The following ROBO1 variants were observed in gnomAD, a reference collection of about 807,000 sequenced individuals.
ROBO1 encodes roundabout guidance receptor 1.
A neutral mutation model predicts 195.9 loss-of-function variants in ROBO1; 149 were observed. The observed-to-expected ratio is 0.76, with a 90% CI of 0.67 to 0.87. The LOEUF is 0.87. Ranked by LOEUF, ROBO1 falls within the 40% of genes least tolerant of loss-of-function variation. ROBO1 has a pLI of 0.00. For missense variants in ROBO1, 1,933 were observed against 2,068.3 expected, an observed-to-expected ratio of 0.93 and a Z score of 1.27; for synonymous variants, 816 against 733.2, an observed-to-expected ratio of 1.11 and a Z score of -1.82.
intron 2 of ROBO1, among the ~76,000 whole-genome samples, chr3:79,557,743 A>AATATATATAT (rs1304293113): frequency 7.6e-6 from 1 of 130,834 alleles, no homozygotes; most frequent in Non-Finnish European, 1.6e-5. Context: ...AACAAAAAAA[A>AATATATATAT]ATATATATAT....
At chr3:79,411,701 T>C (rs1324906061) in intron 2 of ROBO1, among the ~76,000 whole-genome samples, 1 of 152,164 alleles carries the variant, frequency 6.6e-6, no homozygotes, top group East Asian at 1.9e-4. Flanking sequence ...ACAAAACTCT[T>C]GCAATAACAT....
intron 18 of ROBO1, 26 bp from the exon 19 acceptor site, chr3:78,651,955 T>A: frequency 6.3e-7 from 1 of 1,594,390 alleles, no homozygotes; most frequent in Non-Finnish European, 8.6e-7. Context: ...CCGATTAATT[T>A]GGGTTGAAGA....
intron 2 of ROBO1, among the ~76,000 whole-genome samples, chr3:79,580,699 G>A (rs375962675): frequency 3.3e-5 from 5 of 151,572 alleles, no homozygotes; most frequent in Non-Finnish European, 5.9e-5. Context: ...ATGTACATCC[G>A]CACACCCATA....
At chr3:79,644,951 T>C (rs926682475) in intron 1 of ROBO1, among the ~76,000 whole-genome samples, 1 of 152,070 alleles carries the variant, frequency 6.6e-6, no homozygotes, top group Non-Finnish European at 1.5e-5. Context: ...AATGACATGC[T>C]TGGAACAATA....
At chr3:79,005,512 A>C (rs558544517) in intron 3 of ROBO1, among the ~76,000 whole-genome samples, 1 of 152,334 alleles carries the variant, frequency 6.6e-6, no homozygotes, top group African/African-American at 2.4e-5. Flanking sequence ...TTTTGCAAAA[A>C]ATAACCAAGT....
chr3:79,364,267 C>T (rs906137276), intron 2 of ROBO1, among the ~76,000 whole-genome samples: 2 of 149,126 alleles, frequency 1.3e-5, no homozygotes, highest in East Asian at 3.9e-4. Flanking sequence ...TATATACACA[C>T]ACACATATAT....
chr3:78,612,082 T>C (rs1027830), intron 28 of ROBO1, among the ~76,000 whole-genome samples: 93,872 of 152,046 alleles, frequency 0.62, 29,717 homozygotes, highest in Middle Eastern at 0.75. Flanking sequence ...CGTTCAGACA[T>C]GGCCACTCTT....
Position 79,687,843 on chromosome 3 carries a change from A to C in ROBO1, c.-51+79909T>G, listed in dbSNP as rs367983936. 8.5e-5 allele frequency among the ~76,000 whole-genome samples: 13 copies of C among 152,168 alleles called. No individual in the cohort carries two copies. The East Asian group carries it at 1.9e-3, about 23-fold the overall frequency. On this transcript the variant is annotated intron_variant, in intron 1 of 30. Transcript: ENST00000464233. Reference sequence around the variant, plus strand: ...CTCAGGGATCTAGAACTGGAAATACAATTTGACCCAGCCATCCCATTACTG... The same window carrying C: ...CTCAGGGATCTAGAACTGGAAATACCATTTGACCCAGCCATCCCATTACTG...
At chr3:78,886,239 C>T (rs148706844) in intron 4 of ROBO1, among the ~76,000 whole-genome samples, 34 of 151,988 alleles carry the variant, frequency 2.2e-4, no homozygotes, top group African/African-American at 7.2e-4. Flanking sequence ...AATACTTATA[C>T]TTCGAGGCTT....
At chr3:79,560,969 T>C (rs1339648361) in intron 2 of ROBO1, among the ~76,000 whole-genome samples, 1 of 152,174 alleles carries the variant, frequency 6.6e-6, no homozygotes, top group Non-Finnish European at 1.5e-5. Context: ...TTCAATCTGC[T>C]GTTTTTTTTC....
chr3:79,594,840 G>A (rs183270247), intron 1 of ROBO1, among the ~76,000 whole-genome samples: 10 of 152,042 alleles, frequency 6.6e-5, no homozygotes, highest in East Asian at 5.8e-4. Context: ...GGGTAATGAC[G>A]GAACCAATTG....
intron 1 of ROBO1, among the ~76,000 whole-genome samples, chr3:79,689,965 A>T (rs564997639): frequency 2.2e-4 from 33 of 152,018 alleles, no homozygotes; most frequent in Non-Finnish European, 3.1e-4. Context: ...TTCAGCTGTA[A>T]ATCAGTGAAG....
At chr3:79,350,801 G>A (rs547504228) in intron 2 of ROBO1, among the ~76,000 whole-genome samples, 1 of 152,204 alleles carries the variant, frequency 6.6e-6, no homozygotes, top group Non-Finnish European at 1.5e-5. Context: ...GAGTAGAAGG[G>A]CAGTAGCTAA....
intron 2 of ROBO1, among the ~76,000 whole-genome samples, chr3:79,137,784 C>T (rs1463106767): frequency 6.6e-6 from 1 of 151,984 alleles, no homozygotes; most frequent in African/African-American, 2.4e-5. Context: ...CACTACACAC[C>T]ATGACCTCCT....
intron 26 of ROBO1, among the ~76,000 whole-genome samples, chr3:78,621,529 A>G (rs980428113): frequency 1.4e-4 from 21 of 152,342 alleles, no homozygotes; most frequent in African/African-American, 3.8e-4. Context: ...GAAGAAAGAC[A>G]GAAAAATTTA....
intron 10 of ROBO1, among the ~76,000 whole-genome samples, chr3:78,672,936 C>CA (rs1367011532): frequency 6.6e-6 from 1 of 152,118 alleles, no homozygotes; most frequent in Non-Finnish European, 1.5e-5. Context: ...AGAAATGTTC[C>CA]ATATCTACAA....
intron 3 of ROBO1, among the ~76,000 whole-genome samples, chr3:79,071,765 CTGTT>C (rs930180621): frequency 1.3e-5 from 2 of 150,638 alleles, no homozygotes; most frequent in Non-Finnish European, 3.0e-5. Flanking sequence ...CACACTGTGA[CTGTT>C]TGCTTTACCA....
At chr3:78,901,663 G>A (rs75952404) in intron 4 of ROBO1, among the ~76,000 whole-genome samples, 2,172 of 152,254 alleles carry the variant, frequency 0.014, 30 homozygotes, top group Non-Finnish European at 0.024. Flanking sequence ...TAACAGGAGC[G>A]ATTTAAATCT....
At chr3:79,397,952 A>T (rs1412103956) in intron 2 of ROBO1, among the ~76,000 whole-genome samples, 1 of 152,160 alleles carries the variant, frequency 6.6e-6, no homozygotes, top group Non-Finnish European at 1.5e-5. Context: ...ACTTAAGAAA[A>T]AATTTAAAAA....
Sources: allele counts gnomAD v4.1 joint callset (sites outside exome capture counted in the v4.1 genomes callset), GRCh38; gene constraint gnomAD v4.1.1; transcripts MANE v1.5; gene names NCBI Gene and HGNC (gene_info 2026-07-23, HGNC 2026-07-21).